MON2: variants seen among roughly 807,000 people sequenced by gnomAD.
MON2 encodes MON2 regulator of endosome-to-Golgi trafficking.
MON2 carries 84 observed loss-of-function variants against 208.6 expected under a neutral mutation model. The ratio of observed to expected loss-of-function variants is 0.40; its 90% CI spans 0.34 to 0.48. The LOEUF (loss-of-function observed/expected upper bound fraction) is 0.48. Ranked by LOEUF, MON2 falls within the 20% of genes least tolerant of loss-of-function variation. The pLI is 0.59. For missense variants in MON2, 1,611 were observed against 2,015.4 expected, an observed-to-expected ratio of 0.80 and a Z score of 3.84; for synonymous variants, 660 against 694.0, an observed-to-expected ratio of 0.95 and a Z score of 0.77.
chr12:62,507,260 T>C (rs2071153019), intron 7 of MON2, among the ~76,000 whole-genome samples: 1 of 152,168 alleles, frequency 6.6e-6, no homozygotes, highest in Non-Finnish European at 1.5e-5. Context: ...TTTTAAACTA[T>C]TTGCTTGAGT....
intron 8 of MON2, among the ~76,000 whole-genome samples, chr12:62,509,396 T>G (rs796195129): frequency 1.3e-5 from 2 of 152,330 alleles, no homozygotes; most frequent in African/African-American, 4.8e-5. Context: ...ATTACAGGCG[T>G]CAGCCACCAT....
At chr12:62,567,354 A>G (rs1160759519) in intron 29 of MON2, among the ~76,000 whole-genome samples, 3 of 152,108 alleles carry the variant, frequency 2.0e-5, no homozygotes, top group Non-Finnish European at 2.9e-5. Context: ...TGTACTTACT[A>G]CTCAAATTGT....
At chr12:62,519,087 CT>C (rs1372973511) in intron 8 of MON2, among the ~76,000 whole-genome samples, 1 of 152,156 alleles carries the variant, frequency 6.6e-6, no homozygotes, top group Non-Finnish European at 1.5e-5. Flanking sequence ...GCTTTATACT[CT>C]TTTATTACTT....
rs1034952656 is a variant in MON2 at position 62,595,870 on chromosome 12, G to T, written c.*3121G>T. On this transcript the variant is annotated 3_prime_UTR_variant, in exon 35 of 35. Transcript: ENST00000393630. ...ACAGCTAACATCTTTCTTGTTTCTT[G>T]TTTTTTCCATTATATGGTTATCGAT... 1 of 151,942 alleles carries T rather than the reference G, an allele frequency of 6.6e-6. No homozygotes were observed. The highest frequency in any genetic ancestry group is 1.5e-5 in the Non-Finnish European group (1 of 67,964). The allele number at this position is 151,942 out of a possible 1,614,324, so 9.4% of individuals were successfully genotyped here.
rs1302578141 is a variant in MON2 at position 62,529,434 on chromosome 12, TG to T, written c.1401-3003del. Among the ~76,000 whole-genome samples the T allele has an allele frequency of 1.7e-4, 26 of 152,260 alleles. No individual in the cohort carries two copies. The East Asian group carries it at 4.8e-3, about 28-fold the overall frequency. On this transcript the variant is annotated intron_variant, in intron 11 of 34. Coordinates refer to ENST00000393630, the MANE Select transcript of MON2 (RefSeq NM_015026.3). ...TCACTATATATAGATGTTCTTATTA[TG>T]TTTTTTTTAATTTAGCATTTCTTTA... is the stretch of plus-strand genomic sequence containing the variant.
chr12:62,580,215 T>TA (rs2074953291), intron 31 of MON2, 82 bp from the exon 32 acceptor site: 1 of 1,372,644 alleles, frequency 7.3e-7, no homozygotes, highest in Non-Finnish European at 1.0e-6. Flanking sequence ...TCATTTAAAG[T>TA]AAAATTTAAA....
chr12:62,540,919 T>C (rs1284244225), intron 19 of MON2, among the ~76,000 whole-genome samples: 2 of 152,222 alleles, frequency 1.3e-5, no homozygotes, highest in Admixed American at 6.5e-5. Flanking sequence ...TTCTATATTA[T>C]TGAAAAAAGA....
intron 30 of MON2, among the ~76,000 whole-genome samples, chr12:62,576,603 T>C (rs2074794966): frequency 6.6e-6 from 1 of 152,062 alleles, no homozygotes; most frequent in Non-Finnish European, 1.5e-5. Flanking sequence ...TAAAGATTAC[T>C]GTAGTTTTCA....
In MON2 at chr12:62,571,437, A is replaced by C; in HGVS notation, c.4369A>C (p.Ser1457Arg). Residue 1457 changes from serine (S) to arginine (R), a missense_variant, in exon 30 of 35, where the codon AGC (serine) becomes CGC (arginine). Transcript: ENST00000393630. ...TTTGAAGTATTCCTGCCCTTCTGAA[A>C]GCACATGGAAACTAGCAGTATCCTC... is the stretch of plus-strand genomic sequence containing the variant. Reference protein sequence around the residue: ...LSLKYSCPSESTWKLAVSSLL... With the variant: ...LSLKYSCPSERTWKLAVSSLL... 1 of 1,613,088 alleles carries C rather than the reference A, an allele frequency of 6.2e-7. No individual in the cohort carries two copies. The highest frequency in any genetic ancestry group is 8.5e-7 in the Non-Finnish European group (1 of 1,179,270).
At chr12:62,558,638 A>G (rs2074084521) in intron 25 of MON2, among the ~76,000 whole-genome samples, 1 of 152,108 alleles carries the variant, frequency 6.6e-6, no homozygotes, top group South Asian at 2.1e-4. Flanking sequence ...AAACTCTTTT[A>G]AACAGTTTAC....
At chr12:62,486,766 G>A (rs1039074468) in intron 2 of MON2, among the ~76,000 whole-genome samples, 1 of 152,050 alleles carries the variant, frequency 6.6e-6, no homozygotes, top group Non-Finnish European at 1.5e-5. Context: ...GACTATAGGA[G>A]ACTATACTAC....
At chr12:62,555,198 CAGG>C (rs1239381003) in intron 24 of MON2, among the ~76,000 whole-genome samples, 2 of 151,622 alleles carry the variant, frequency 1.3e-5, no homozygotes, top group East Asian at 3.9e-4. Context: ...TTTTTTGAGA[CAGG>C]ATCTCACTCT....
rs1419697485 is a variant in MON2 at position 62,546,341 on chromosome 12, A to AGTACTT, written c.2578-556_2578-555insGTACTT. On this transcript the variant is annotated intron_variant, in intron 21 of 34. Coordinates refer to ENST00000393630, the MANE Select transcript of MON2 (RefSeq NM_015026.3). The stretch of plus-strand genomic sequence containing the variant: ...CTATAATTAGTATCTTTAAAGTAAG[A>AGTACTT]TAACTACCCATTTATCTAAAATCTA... Among the ~76,000 whole-genome samples the AGTACTT allele has an allele frequency of 2.0e-5, 3 of 152,194 alleles. No homozygotes were observed. In the East Asian group the frequency reaches 5.8e-4, roughly 29 times the overall value.
At chr12:62,551,969 T>G (rs1018855707) in intron 23 of MON2, among the ~76,000 whole-genome samples, 2 of 152,110 alleles carry the variant, frequency 1.3e-5, no homozygotes, top group South Asian at 4.1e-4. Context: ...AATAGAAAAT[T>G]TTTTTTTAAA....
intron 21 of MON2, chr12:62,545,578 A>T (rs1169692075): frequency 6.6e-6 from 1 of 152,050 alleles, no homozygotes; most frequent in Non-Finnish European, 1.5e-5. Flanking sequence ...TTAATTTTTT[A>T]AATAAAAATA....
intron 33 of MON2, among the ~76,000 whole-genome samples, chr12:62,587,636 G>A (rs1367971571): frequency 3.3e-5 from 5 of 151,744 alleles, no homozygotes; most frequent in African/African-American, 4.8e-5. Flanking sequence ...CCAGCTACTC[G>A]GGAGGCTAAG....
rs1250243591 is a variant in MON2, at chr12:62,595,694, T to C, written c.*2945T>C. The C allele has an allele frequency of 2.6e-5, 4 of 152,236 alleles. No individual in the cohort carries two copies. The highest frequency in any genetic ancestry group is 9.6e-5 in the African/African-American group (4 of 41,456). The allele number at this position is 152,236 out of a possible 1,614,324, so 9.4% of individuals were successfully genotyped here. A position where few individuals can be genotyped will look rare whatever the true frequency, so the allele number is the denominator to read the frequency against. ...ATTTTGTAATGTCTTTAGTATTTCT[T>C]TATAACTAGTGTTAAGGTTTTGTTA... On this transcript the variant is annotated 3_prime_UTR_variant, in exon 35 of 35. Transcript: ENST00000393630.
chr12:62,522,492 A>G (rs555862133), intron 8 of MON2, among the ~76,000 whole-genome samples: 4 of 152,320 alleles, frequency 2.6e-5, no homozygotes, highest in Middle Eastern at 3.4e-3. Flanking sequence ...TAGAATGTCT[A>G]CCTCAGTAAC....
At chr12:62,544,855 T>C in intron 20 of MON2, 43 bp from the exon 21 acceptor site, 1 of 1,584,764 alleles carries the variant, frequency 6.3e-7, no homozygotes. Context: ...GTGTGATTCA[T>C]AGCTTAAGTA....
Sources: gnomAD v4.1 joint callset for allele counts (sites outside exome capture counted in the v4.1 genomes callset) on GRCh38, gnomAD v4.1.1 for gene constraint, MANE v1.5 for transcripts, NCBI Gene and HGNC (gene_info 2026-07-23, HGNC 2026-07-21) for gene names.